Variants in ASB3 observed in about 807,000 individuals in gnomAD.
The protein encoded by ASB3 is ankyrin repeat and SOCS box protein 3.
In ASB3, 41 loss-of-function variants were observed where a neutral mutation model predicts 54.5. The observed-to-expected ratio is 0.75, with a 90% CI of 0.59 to 0.98. ASB3 has a LOEUF of 0.98. Ranked by LOEUF, ASB3 falls within the 50% of genes least tolerant of loss-of-function variation. The pLI, the probability that ASB3 is intolerant of heterozygous loss-of-function variation, is 0.00. For missense variants in ASB3, 733 were observed against 620.0 expected (o/e 1.18, Z -1.94); for synonymous variants, 266 against 221.2 (o/e 1.20, Z -1.80).
chr2:53,737,735 A>C (rs1390739280), intron 3 of ASB3, among the ~76,000 whole-genome samples: 1 of 151,796 alleles, frequency 6.6e-6, no homozygotes, highest in Admixed American at 6.6e-5. Flanking sequence ...AAAAAAAAAA[A>C]AAAAAAAAAG....
At chr2:53,776,007 T>A (rs191211833) in intron 1 of ASB3, among the ~76,000 whole-genome samples, 1 of 152,302 alleles carries the variant, frequency 6.6e-6, no homozygotes, top group East Asian at 1.9e-4. Flanking sequence ...TATTCCTGAT[T>A]ATAGGTTATT....
chr2:53,673,996 G>T (rs1027040933), intron 9 of ASB3, among the ~76,000 whole-genome samples: 1 of 152,070 alleles, frequency 6.6e-6, no homozygotes, highest in Admixed American at 6.6e-5. Flanking sequence ...AATACTAAGG[G>T]AATTTTATAA....
Position 53,750,810 on chromosome 2 carries a change from A to C in ASB3, c.328T>G (p.Leu110Val). The C allele has an allele frequency of 6.3e-7, 1 of 1,588,156 alleles. No homozygotes were observed. Among genetic ancestry groups the C allele is most frequent in the Non-Finnish European group, 8.6e-7 (1 of 1,168,884 alleles). ...EAGADPNATT[L>V]EETTPLFLAV... ...AAAAACAATGGTGTCGTTTCTTCTAAAGTAGTTGCATTAGGATCTGCCCCA... is the reference window on the plus strand; with the variant it reads ...AAAAACAATGGTGTCGTTTCTTCTACAGTAGTTGCATTAGGATCTGCCCCA... The change falls in exon 3 of 10, where the codon TTA (leucine) becomes GTA (valine). Residue 110 changes from leucine (L) to valine (V), a missense_variant. By Grantham distance (32) the Leu-to-Val change is conservative. Coordinates refer to ENST00000263634, the MANE Select transcript of ASB3 (RefSeq NM_016115.5).
At chr2:53,783,311 G>A (rs1380994815) in intron 1 of ASB3, among the ~76,000 whole-genome samples, 1 of 152,050 alleles carries the variant, frequency 6.6e-6, no homozygotes, top group Admixed American at 6.6e-5. Context: ...GAAAATCAAG[G>A]AAATGGACCT....
intron 3 of ASB3, among the ~76,000 whole-genome samples, chr2:53,735,449 GT>G: frequency 7.1e-6 from 1 of 141,228 alleles, no homozygotes; most frequent in Non-Finnish European, 1.5e-5. Flanking sequence ...CCTCTAAACT[GT>G]AAACTACAAA....
At chr2:53,760,293 A>G (rs1415326053) in intron 2 of ASB3, among the ~76,000 whole-genome samples, 1 of 152,226 alleles carries the variant, frequency 6.6e-6, no homozygotes, top group Non-Finnish European at 1.5e-5. Flanking sequence ...TTCCGAGGGA[A>G]TACCTATCAA....
chr2:53,754,201 G>A (rs1166945877), intron 2 of ASB3, among the ~76,000 whole-genome samples: 2 of 152,134 alleles, frequency 1.3e-5, no homozygotes, highest in Non-Finnish European at 2.9e-5. Context: ...TAAAGTACAG[G>A]TATAAAATAA....
At chr2:53,730,793 T>C (rs1003353042) in intron 3 of ASB3, among the ~76,000 whole-genome samples, 1 of 152,174 alleles carries the variant, frequency 6.6e-6, no homozygotes, top group Non-Finnish European at 1.5e-5. Flanking sequence ...AAAAAAGATT[T>C]GAAGAATAAG....
intron 9 of ASB3, among the ~76,000 whole-genome samples, chr2:53,688,556 T>C (rs1317173232): frequency 1.3e-5 from 2 of 152,224 alleles, no homozygotes; most frequent in Non-Finnish European, 2.9e-5. Context: ...CAAGATCTAT[T>C]GTGAAAATGA....
chr2:53,712,795 T>C (rs1670180108), intron 7 of ASB3, among the ~76,000 whole-genome samples: 1 of 151,816 alleles, frequency 6.6e-6, no homozygotes, highest in Non-Finnish European at 1.5e-5. Context: ...CAATCCAAAA[T>C]CATTATATTC....
intron 1 of ASB3, among the ~76,000 whole-genome samples, chr2:53,776,616 C>G (rs766019674): frequency 4.6e-5 from 7 of 152,046 alleles, no homozygotes; most frequent in Non-Finnish European, 7.4e-5. Context: ...AGGTTAGGAG[C>G]TAGAGACCAG....
chr2:53,693,339 G>A (rs1451543657), intron 9 of ASB3, among the ~76,000 whole-genome samples: 1 of 151,992 alleles, frequency 6.6e-6, no homozygotes, highest in African/African-American at 2.4e-5. Context: ...TTGAAATTTT[G>A]TTCTAGAATA....
intron 8 of ASB3, among the ~76,000 whole-genome samples, chr2:53,698,298 A>G (rs1669297796): frequency 6.6e-6 from 1 of 152,070 alleles, no homozygotes; most frequent in African/African-American, 2.4e-5. Flanking sequence ...TTTTTTTCTA[A>G]TTGTCTTGAT....
At chr2:53,762,165 A>G (rs972650296) in intron 2 of ASB3, among the ~76,000 whole-genome samples, 4 of 146,702 alleles carry the variant, frequency 2.7e-5, no homozygotes, top group Middle Eastern at 3.5e-3. Flanking sequence ...GTGAGAAGTG[A>G]TCTAACTGTG....
chr2:53,780,072 C>T (rs1481047428), intron 1 of ASB3, among the ~76,000 whole-genome samples: 1 of 152,124 alleles, frequency 6.6e-6, no homozygotes, highest in Non-Finnish European at 1.5e-5. Context: ...TTCTTGTTTC[C>T]AATCTCTTTT....
chr2:53,741,073 G>C (rs1671907294), intron 3 of ASB3, among the ~76,000 whole-genome samples: 1 of 152,052 alleles, frequency 6.6e-6, no homozygotes. Flanking sequence ...TTGTAAGAAT[G>C]ACCCATACTA....
intron 3 of ASB3, among the ~76,000 whole-genome samples, chr2:53,744,991 G>C (rs561273730): frequency 1.3e-5 from 2 of 152,234 alleles, no homozygotes; most frequent in South Asian, 4.1e-4. Context: ...AAAGCCAAAA[G>C]CGCATGCCAT....
chr2:53,693,773 T>C, intron 9 of ASB3, 111 bp downstream of exon 9: 1 of 1,431,710 alleles, frequency 7.0e-7, no homozygotes, highest in Non-Finnish European at 9.3e-7. Flanking sequence ...AAATGCAAAT[T>C]ATGTCTAATT....
chr2:53,734,918 G>GT (rs35847412), intron 3 of ASB3, among the ~76,000 whole-genome samples: 8,139 of 119,598 alleles, frequency 0.068, 494 homozygotes, highest in East Asian at 0.29. Context: ...CTTTATACAA[G>GT]TTTTTTTTTT....
Sources: gnomAD v4.1 joint callset for allele counts (sites outside exome capture counted in the v4.1 genomes callset) on GRCh38, gnomAD v4.1.1 for gene constraint, MANE v1.5 for transcripts, NCBI Gene and HGNC (gene_info 2026-07-23, HGNC 2026-07-21) for gene names.